The following KIN variants were observed in gnomAD, a reference collection of about 807,000 sequenced individuals.
The protein encoded by KIN is Kin17 DNA and RNA binding protein.
A neutral mutation model predicts 63.0 loss-of-function variants in KIN; 47 were observed. The observed-to-expected ratio is 0.75, with a 90% CI of 0.59 to 0.95. The LOEUF is 0.95. Ranked by LOEUF, KIN falls within the 40% of genes least tolerant of loss-of-function variation. The probability of loss-of-function intolerance (pLI) is 0.00; values close to 1 mark genes in which losing one functional copy is unlikely to be tolerated. For synonymous variants in KIN, 160 were observed against 157.7 expected, an observed-to-expected ratio of 1.01 and a Z score of -0.11; for missense variants, 408 against 460.9, an observed-to-expected ratio of 0.89 and a Z score of 1.05.
At position 7,779,995 on chromosome 10, in the gene KIN, A is replaced by G; in HGVS notation, c.376+61T>C. The stretch of plus-strand genomic sequence containing the variant: ...TTTTTTCTCTTTTCTTATCCCAAAC[A>G]TCTCATCCTATGAAGATTAGAAGTG... On this transcript the variant is annotated intron_variant, in intron 4 of 12. Transcript: ENST00000379562. 1.9e-6 allele frequency: 3 copies of G among 1,553,368 alleles called. No homozygotes were observed. In the South Asian group the frequency reaches 3.4e-5, roughly 18 times the overall value.
intron 12 of KIN, among the ~76,000 whole-genome samples, chr10:7,759,615 T>C (rs35871847): frequency 0.017 from 2,656 of 152,126 alleles, 34 homozygotes; most frequent in South Asian, 0.034. Flanking sequence ...GGGTTTATTG[T>C]TGGGCTGGGG....
In KIN at chr10:7,753,849, A is replaced by G. The variant is rs1482239777; in HGVS notation, c.*2231T>C. The G allele has an allele frequency of 3.6e-6, 1 of 276,908 alleles. No individual in the cohort carries two copies. 17.2% of individuals were successfully genotyped at this position (276,908 alleles called of 1,614,324 possible). ...TTAGTATTTCTTTACTGCCTCTTACATTTCTGCTAACAGCATACGTTCTCC... is the reference window on the plus strand; with the variant it reads ...TTAGTATTTCTTTACTGCCTCTTACGTTTCTGCTAACAGCATACGTTCTCC... On this transcript the variant is annotated 3_prime_UTR_variant, in exon 13 of 13. Coordinates refer to ENST00000379562, the MANE Select transcript of KIN (RefSeq NM_012311.4).
chr10:7,753,053 ATGTT>A lies in KIN; in HGVS notation c.*3023_*3026del, dbSNP rs1395945443. On this transcript the variant is annotated 3_prime_UTR_variant, in exon 13 of 13. Transcript: ENST00000379562. ...GAGACTGCTCTAAAAAGTAAAGTCT[ATGTT>A]TGAAATAAAGAAAAATAGCTTATGA... 1 of 152,204 alleles carries A rather than the reference ATGTT, an allele frequency of 6.6e-6. No homozygotes were observed. Among genetic ancestry groups the A allele is most frequent in the Non-Finnish European group, 1.5e-5 (1 of 68,030 alleles). 9.4% of individuals were successfully genotyped at this position (152,204 alleles called of 1,614,324 possible).
Position 7,766,119 on chromosome 10 carries a change from T to C in KIN, c.799-16A>G, listed in dbSNP as rs754225120. 5 of 1,575,296 alleles carry C rather than the reference T, an allele frequency of 3.2e-6. No individual in the cohort carries two copies. The highest frequency in any genetic ancestry group is 3.5e-6 in the Non-Finnish European group (4 of 1,148,220). On this transcript the variant is annotated splice_polypyrimidine_tract_variant and intron_variant, in intron 8 of 12. Transcript: ENST00000379562. The stretch of plus-strand genomic sequence containing the variant: ...CCTCTTCAATCTGTAGAACACATAA[T>C]GTCTTAAATTATCTCCCTAAAATCC...
rs1835260984 is a variant in KIN at position 7,752,653 on chromosome 10, G to A, written c.*3427C>T. 6.6e-6 allele frequency: 1 copy of A among 152,200 alleles called. No homozygotes were observed. Among genetic ancestry groups the A allele is most frequent in the Non-Finnish European group, 1.5e-5 (1 of 68,034 alleles). 9.4% of individuals were successfully genotyped at this position (152,200 alleles called of 1,614,324 possible). Reference sequence around the variant, plus strand: ...GCTTTACTCATAATTTCCAAACCTTGTAAGCAACCAAGATATCCTTCAGTA... The same window carrying A: ...GCTTTACTCATAATTTCCAAACCTTATAAGCAACCAAGATATCCTTCAGTA... On this transcript the variant is annotated 3_prime_UTR_variant, in exon 13 of 13. Coordinates refer to ENST00000379562, the MANE Select transcript of KIN (RefSeq NM_012311.4).
At chr10:7,779,389 G>C (rs1835851420) in intron 4 of KIN, among the ~76,000 whole-genome samples, 2 of 152,180 alleles carry the variant, frequency 1.3e-5, no homozygotes, top group South Asian at 4.1e-4. Flanking sequence ...CCTGGCAACA[G>C]AGCGAGACTC....
At chr10:7,775,225 T>C (rs1490358098) in intron 6 of KIN, among the ~76,000 whole-genome samples, 1 of 152,216 alleles carries the variant, frequency 6.6e-6, no homozygotes, top group Non-Finnish European at 1.5e-5. Flanking sequence ...CATTTTCATC[T>C]CTGGGGTGAA....
chr10:7,776,688 G>A (rs190111427), intron 5 of KIN, among the ~76,000 whole-genome samples: 2,003 of 146,338 alleles, frequency 0.014, 49 homozygotes, highest in African/African-American at 0.048. Context: ...CCGAGATCAT[G>A]CCACTGCCCT....
At chr10:7,774,736 C>A in intron 7 of KIN, 95 bp downstream of exon 7, 2 of 989,820 alleles carry the variant, frequency 2.0e-6, no homozygotes, top group South Asian at 1.5e-5. Flanking sequence ...AAAACTACAA[C>A]TAGAAAAAAA....
intron 9 of KIN, among the ~76,000 whole-genome samples, chr10:7,765,684 A>G (rs1290642217): frequency 6.6e-6 from 1 of 152,206 alleles, no homozygotes; most frequent in East Asian, 1.9e-4. Flanking sequence ...TCTAGTTCCA[A>G]TAAGTTGTAA....
chr10:7,778,961 G>A lies in KIN; in HGVS notation c.435C>T (p.Asp145=). 1 of 1,613,736 alleles carries A rather than the reference G, an allele frequency of 6.2e-7. No individual in the cohort carries two copies. The change falls in exon 5 of 13, where the codon GAC becomes GAT. Residue 145 remains aspartate, a synonymous_variant. Transcript: ENST00000379562. ...KGWYIQYIDR[D]PETIRRQLEL... ...CCAGTTGCCGGCGGATAGTTTCTGG[G>A]TCCCTGTCTATGTACTGAATATACC...
chr10:7,771,955 A>G (rs1429270923), intron 7 of KIN, among the ~76,000 whole-genome samples: 3 of 152,090 alleles, frequency 2.0e-5, no homozygotes, highest in Non-Finnish European at 4.4e-5. Context: ...TTAAATGCTT[A>G]GAATGTGACA....
chr10:7,766,035 C>T lies in KIN; in HGVS notation c.849+18G>A. ...AAACATACATTTAGAACTTAAGAAACTCCAACTGAATACTTACAGGCTGTA... is the reference window on the plus strand; with the variant it reads ...AAACATACATTTAGAACTTAAGAAATTCCAACTGAATACTTACAGGCTGTA... On this transcript the variant is annotated intron_variant, in intron 9 of 12. Transcript: ENST00000379562. The T allele has an allele frequency of 5.7e-6, 9 of 1,584,386 alleles. No homozygotes were observed. The highest frequency in any genetic ancestry group is 7.7e-6 in the Non-Finnish European group (9 of 1,165,806).
chr10:7,778,226 A>G (rs1246541323), intron 5 of KIN, among the ~76,000 whole-genome samples: 1 of 152,172 alleles, frequency 6.6e-6, no homozygotes, highest in Non-Finnish European at 1.5e-5. Flanking sequence ...AATTATAATC[A>G]GTTGAAATTA....
chr10:7,770,036 T>C (rs898145216), intron 7 of KIN, among the ~76,000 whole-genome samples: 23 of 152,292 alleles, frequency 1.5e-4, no homozygotes, highest in Non-Finnish European at 2.8e-4. Context: ...GTTCAAGCGA[T>C]TCTCGTGCCT....
chr10:7,775,831 T>G, intron 5 of KIN, 32 bp from the exon 6 acceptor site: 1 of 1,370,112 alleles, frequency 7.3e-7, no homozygotes, highest in Non-Finnish European at 1.0e-6. Flanking sequence ...GGTTTTGGTG[T>G]ACATTGCACT....
chr10:7,779,232 T>G (rs1835847376), intron 4 of KIN, among the ~76,000 whole-genome samples: 1 of 151,880 alleles, frequency 6.6e-6, no homozygotes, highest in Admixed American at 6.6e-5. Context: ...ACATGGTGAA[T>G]CCCATCTCTA....
At chr10:7,757,627 T>C (rs1835357564) in intron 12 of KIN, among the ~76,000 whole-genome samples, 2 of 152,116 alleles carry the variant, frequency 1.3e-5, no homozygotes, top group African/African-American at 4.8e-5. Flanking sequence ...TGATGATGAC[T>C]CTAACCCTAG....
At chr10:7,758,693 A>C (rs973671455) in intron 12 of KIN, among the ~76,000 whole-genome samples, 2 of 150,186 alleles carry the variant, frequency 1.3e-5, no homozygotes, top group Non-Finnish European at 3.0e-5. Flanking sequence ...AAAAAAAAAG[A>C]AATTAATAAG....
Sources: gnomAD v4.1 joint callset for allele counts (sites outside exome capture counted in the v4.1 genomes callset) on GRCh38, gnomAD v4.1.1 for gene constraint, MANE v1.5 for transcripts, NCBI Gene and HGNC (gene_info 2026-07-23, HGNC 2026-07-21) for gene names.